Variants in FKBP1A observed in about 807,000 individuals in gnomAD.
FKBP1A encodes FKBP prolyl isomerase 1A.
In FKBP1A, 5 loss-of-function variants were observed where a neutral mutation model predicts 14.2. The ratio of observed to expected loss-of-function variants is 0.35; its 90% CI spans 0.18 to 0.74. The LOEUF (loss-of-function observed/expected upper bound fraction) is 0.74, where lower values mean the gene tolerates loss of function less well. Among genes scored for constraint, FKBP1A ranks in the 30% least tolerant of loss-of-function variants. The pLI, the probability that FKBP1A is intolerant of heterozygous loss-of-function variation, is 0.56. For synonymous variants in FKBP1A, 42 were observed against 49.1 expected, an observed-to-expected ratio of 0.86 and a Z score of 0.60; for missense variants, 53 against 138.8, an observed-to-expected ratio of 0.38 and a Z score of 3.10.
At chr20:1,372,921 T>A (rs1042799173) in intron 3 of FKBP1A, among the ~76,000 whole-genome samples, 28 of 152,256 alleles carry the variant, frequency 1.8e-4, no homozygotes, top group African/African-American at 6.8e-4. Flanking sequence ...TTAAAAAATA[T>A]ATTTGTGTAT....
At position 1,386,249 on chromosome 20, in the gene FKBP1A, G is replaced by T. The variant is rs190873736; in HGVS notation, c.85+6585C>A. 1.5e-4 allele frequency among the ~76,000 whole-genome samples: 23 copies of T among 152,370 alleles called. No individual in the cohort carries two copies. The highest frequency in any genetic ancestry group is 7.8e-4 in the Admixed American group (12 of 15,312). On this transcript the variant is annotated intron_variant, in intron 2 of 4. Coordinates refer to ENST00000400137, the MANE Select transcript of FKBP1A (RefSeq NM_000801.5). This position sits in a 1 kb window ranked among gnomAD's most constrained non-coding sequence, Gnocchi z 4.7. ...CTCCAAGAAGTTCTAGCCTATAGGT[G>T]TAGGTTGCCTGAGGTACTTTCATTG...
At chr20:1,383,901 G>A (rs1239884591) in intron 2 of FKBP1A, among the ~76,000 whole-genome samples, 1 of 151,564 alleles carries the variant, frequency 6.6e-6, no homozygotes, top group African/African-American at 2.4e-5. Context: ...GTATTTTTCT[G>A]CAGCTTTGCA....
intron 3 of FKBP1A, chr20:1,372,970 A>G (rs1451066299): frequency 1.3e-5 from 2 of 152,234 alleles, no homozygotes; most frequent in African/African-American, 4.8e-5. Flanking sequence ...TAAGTATAAA[A>G]TATCTACTTT....
At chr20:1,380,664 A>C (rs1320149039) in intron 2 of FKBP1A, among the ~76,000 whole-genome samples, 1 of 152,184 alleles carries the variant, frequency 6.6e-6, no homozygotes, top group African/African-American at 2.4e-5. Flanking sequence ...ACTCAGGAAA[A>C]TTTATAGGAA....
At chr20:1,375,238 T>A (rs1193618954) in intron 3 of FKBP1A, 3 of 571,356 alleles carry the variant, frequency 5.3e-6, no homozygotes, top group East Asian at 2.9e-5. Context: ...CAAAAATGCA[T>A]TAAGTGAAAA....
intron 2 of FKBP1A, among the ~76,000 whole-genome samples, chr20:1,391,016 G>T (rs2089729179): frequency 6.6e-6 from 1 of 152,174 alleles, no homozygotes; most frequent in East Asian, 1.9e-4. Flanking sequence ...ATAGGAAAAG[G>T]CTCCAGACAT....
Position 1,375,414 on chromosome 20 carries a change from C to T in FKBP1A, c.198+77G>A, listed in dbSNP as rs2089527078. 23 of 1,021,500 alleles carry T rather than the reference C, an allele frequency of 2.3e-5. 1 individual carries two copies. Among genetic ancestry groups the T allele is most frequent in the East Asian group, 5.0e-5 (2 of 40,380 alleles). 63.3% of individuals were successfully genotyped at this position (1,021,500 alleles called of 1,614,324 possible). The stretch of plus-strand genomic sequence containing the variant: ...CTTTTCACTTTTTTTATTTTTGAAC[C>T]GTATAAATATGCCACCTATAAAAAA... On this transcript the variant is annotated intron_variant, in intron 3 of 4. Coordinates refer to ENST00000400137, the MANE Select transcript of FKBP1A (RefSeq NM_000801.5).
intron 2 of FKBP1A, among the ~76,000 whole-genome samples, chr20:1,392,479 AGT>A (rs2089750508): frequency 6.6e-6 from 1 of 152,314 alleles, no homozygotes; most frequent in South Asian, 2.1e-4. Context: ...CATTCCTGAA[AGT>A]GTGACCTTGG....
At chr20:1,388,691 T>C (rs1024638655) in intron 2 of FKBP1A, among the ~76,000 whole-genome samples, 7 of 150,612 alleles carry the variant, frequency 4.6e-5, no homozygotes, top group African/African-American at 1.7e-4. Flanking sequence ...GTGTCCTGTT[T>C]CTGCCTTTGC....
In FKBP1A at chr20:1,369,594, C is replaced by T. The variant is rs2122645673; in HGVS notation, c.*515G>A. ...AATTTAACCCAAAGACATCTCTCAA[C>T]TTGGAGAGTAATTCAGTCCTCAACA... On this transcript the variant is annotated 3_prime_UTR_variant, in exon 5 of 5. Coordinates refer to ENST00000400137, the MANE Select transcript of FKBP1A (RefSeq NM_000801.5). 1 of 167,994 alleles carries T rather than the reference C, an allele frequency of 6.0e-6. No homozygotes were observed. Among genetic ancestry groups the T allele is most frequent in the African/African-American group, 2.4e-5 (1 of 41,610 alleles). 10.4% of individuals were successfully genotyped at this position (167,994 alleles called of 1,614,324 possible).
In FKBP1A at chr20:1,379,127, C is replaced by T. The variant is rs79019106; in HGVS notation, c.86-3524G>A. On this transcript the variant is annotated intron_variant, in intron 2 of 4. Transcript: ENST00000400137. This position sits in a 1 kb window ranked among gnomAD's most constrained non-coding sequence, Gnocchi z 4.3. Reference sequence around the variant, plus strand: ...CCTTATTTCTTGCCAAACTTGAACACGGCTCTGACCTGTGCAAGATCGTAT... The same window carrying T: ...CCTTATTTCTTGCCAAACTTGAACATGGCTCTGACCTGTGCAAGATCGTAT... Among the ~76,000 whole-genome samples the T allele has an allele frequency of 4.7e-3, 713 of 152,308 alleles. 4 individuals carry two copies. The highest frequency in any genetic ancestry group is 0.016 in the African/African-American group (682 of 41,560).
intron 2 of FKBP1A, among the ~76,000 whole-genome samples, chr20:1,385,655 A>T (rs1286568377): frequency 6.6e-6 from 1 of 152,062 alleles, no homozygotes; most frequent in Non-Finnish European, 1.5e-5. Flanking sequence ...AATGGCCTAC[A>T]AGACCCTCTA....
Position 1,371,246 on chromosome 20 carries a change from T to TA in FKBP1A, c.*36+829dup, listed in dbSNP as rs1212140030. ...TGATTCTAACACTTACATGAAAAGT[T>TA]ACGTGCTACTAGGATACTGAGTTTA... On this transcript the variant is annotated intron_variant, in intron 4 of 4. Transcript: ENST00000400137. The TA allele has an allele frequency of 3.1e-6, 3 of 968,730 alleles. No homozygotes were observed. The African/African-American group carries it at 5.3e-5, about 17-fold the overall frequency. 60.0% of individuals were successfully genotyped at this position (968,730 alleles called of 1,614,324 possible).
chr20:1,393,042 G>GTGGACCAACAGCGACC lies in FKBP1A; in HGVS notation c.-45_-44insGGTCGCTGTTGGTCCA. 1 of 1,318,710 alleles carries GTGGACCAACAGCGACC rather than the reference G, an allele frequency of 7.6e-7. No homozygotes were observed. The highest frequency in any genetic ancestry group is 1.0e-6 in the Non-Finnish European group (1 of 990,588). 81.7% of individuals were successfully genotyped at this position (1,318,710 alleles called of 1,614,324 possible). A position where few individuals can be genotyped will look rare whatever the true frequency, so the allele number is the denominator to read the frequency against. ...GCGGGCGGGCGGCGCGACGGGCGGC[G>GTGGACCAACAGCGACC]TGGACCAACAGCGACCTGGCGGCGG... is the stretch of plus-strand genomic sequence containing the variant. On this transcript the variant is annotated 5_prime_UTR_variant, in exon 1 of 5. Coordinates refer to ENST00000400137, the MANE Select transcript of FKBP1A (RefSeq NM_000801.5).
At chr20:1,387,525 G>A (rs2089680521) in intron 2 of FKBP1A, among the ~76,000 whole-genome samples, 1 of 152,222 alleles carries the variant, frequency 6.6e-6, no homozygotes, top group Non-Finnish European at 1.5e-5. Context: ...TACCCCATCA[G>A]TTAACATTCA....
chr20:1,388,681 G>A (rs956606942), intron 2 of FKBP1A, among the ~76,000 whole-genome samples: 1 of 151,034 alleles, frequency 6.6e-6, no homozygotes, highest in Non-Finnish European at 1.5e-5. Flanking sequence ...GATACAACCA[G>A]TGTCCTGTTT....
intron 2 of FKBP1A, chr20:1,378,140 G>A (rs1388206573): frequency 1.3e-5 from 2 of 152,162 alleles, no homozygotes; most frequent in East Asian, 1.9e-4. Context: ...CAAAGACTCG[G>A]GAAGAAAGTT....
intron 2 of FKBP1A, among the ~76,000 whole-genome samples, chr20:1,376,352 A>G (rs2089543777): frequency 6.6e-6 from 1 of 152,224 alleles, no homozygotes; most frequent in African/African-American, 2.4e-5. Context: ...TGAAATAGAG[A>G]AATGAAAGAA....
rs2089598612 is a variant in FKBP1A, at chr20:1,379,970, C to G, written c.86-4367G>C. On this transcript the variant is annotated intron_variant, in intron 2 of 4. Coordinates refer to ENST00000400137, the MANE Select transcript of FKBP1A (RefSeq NM_000801.5). This position sits in a 1 kb window ranked among gnomAD's most constrained non-coding sequence, Gnocchi z 4.3. ...TGAGTGTGCATGTGTAGGAATTATG[C>G]TGTTCAGTCTGTAATGTCAAAACAG... 6.6e-6 allele frequency among the ~76,000 whole-genome samples: 1 copy of G among 152,030 alleles called. No individual in the cohort carries two copies. The highest frequency in any genetic ancestry group is 2.1e-4 in the South Asian group (1 of 4,810).
Sources: gnomAD v4.1 joint callset for allele counts (sites outside exome capture counted in the v4.1 genomes callset) on GRCh38, gnomAD v4.1.1 for gene constraint, Gnocchi (gnomAD v3.1) non-coding constraint, MANE v1.5 for transcripts, NCBI Gene and HGNC (gene_info 2026-07-23, HGNC 2026-07-21) for gene names.